The following AFF1 variants were observed in gnomAD, a reference collection of about 807,000 sequenced individuals.
AFF1 encodes the protein AF4/FMR2 family member 1.
AFF1 carries 48 observed loss-of-function variants against 121.7 expected under a neutral mutation model. The ratio of observed to expected loss-of-function variants is 0.39; its 90% CI spans 0.31 to 0.50. The LOEUF is 0.50. Ranked by LOEUF, AFF1 falls within the 20% of genes least tolerant of loss-of-function variation. The pLI is 0.76. For synonymous variants in AFF1, 613 were observed against 563.0 expected (o/e 1.09, Z -1.26); for missense variants, 1,523 against 1,511.7 (o/e 1.01, Z -0.12).
At chr4:87,037,232 T>C (rs1417405295) in intron 2 of AFF1, among the ~76,000 whole-genome samples, 1 of 152,164 alleles carries the variant, frequency 6.6e-6, no homozygotes, top group Non-Finnish European at 1.5e-5. Context: ...TGAAAAGAAT[T>C]TAAAAACAAC....
chr4:87,075,841 T>A (rs913789685), intron 4 of AFF1, among the ~76,000 whole-genome samples: 49 of 152,248 alleles, frequency 3.2e-4, no homozygotes, highest in Non-Finnish European at 5.9e-5. Context: ...GGAAAGAGAT[T>A]GGAAATTCAC....
At chr4:86,969,914 T>C (rs1343243247) in intron 2 of AFF1, among the ~76,000 whole-genome samples, 1 of 115,038 alleles carries the variant, frequency 8.7e-6, no homozygotes, top group Admixed American at 9.2e-5. Flanking sequence ...ATAGTTTATA[T>C]GTGCATCAAG....
At chr4:86,944,041 G>A (rs1476109609) in intron 1 of AFF1, among the ~76,000 whole-genome samples, 6 of 151,544 alleles carry the variant, frequency 4.0e-5, no homozygotes, top group Non-Finnish European at 7.4e-5. Context: ...TTACTCTGAA[G>A]GCTGAGGTGG....
In AFF1 at chr4:87,108,147, GT is replaced by G; in HGVS notation, c.1377-10del. 1 of 1,609,864 alleles carries G rather than the reference GT, an allele frequency of 6.2e-7. No individual in the cohort carries two copies. Among genetic ancestry groups the G allele is most frequent in the Non-Finnish European group, 8.5e-7 (1 of 1,178,414 alleles). Reference sequence around the variant, plus strand: ...TCGTGCCTTCTAATTTTATCTTTTGGTTGCTTTGCAGTGCTCCACAGTCCCT... The same window carrying G: ...TCGTGCCTTCTAATTTTATCTTTTGGTGCTTTGCAGTGCTCCACAGTCCCT... On this transcript the variant is annotated splice_polypyrimidine_tract_variant and intron_variant, in intron 10 of 20. Transcript: ENST00000395146.
chr4:87,002,930 G>A (rs1200774995), intron 2 of AFF1, among the ~76,000 whole-genome samples: 1 of 152,154 alleles, frequency 6.6e-6, no homozygotes, highest in African/African-American at 2.4e-5. Flanking sequence ...GCCCCTCAAA[G>A]GTTAAGAATG....
chr4:87,050,234 G>GAGC (rs10640624), intron 4 of AFF1, among the ~76,000 whole-genome samples: 1 of 151,480 alleles, frequency 6.6e-6, no homozygotes, highest in Non-Finnish European at 1.5e-5. Flanking sequence ...CTGGGAGAAG[G>GAGC]GGGTGTGGGA....
intron 2 of AFF1, among the ~76,000 whole-genome samples, chr4:86,962,068 A>G (rs979817508): frequency 2.0e-5 from 3 of 152,184 alleles, no homozygotes; most frequent in Admixed American, 1.3e-4. Flanking sequence ...ATAGCTGGTA[A>G]AGGACAAAGC....
At chr4:87,086,008 G>A (rs929400653) in intron 5 of AFF1, among the ~76,000 whole-genome samples, 7 of 152,046 alleles carry the variant, frequency 4.6e-5, no homozygotes, top group Non-Finnish European at 8.8e-5. Flanking sequence ...CAAAGTGTTG[G>A]GATTACAGGC....
At chr4:87,075,179 A>G (rs1316044012) in intron 4 of AFF1, among the ~76,000 whole-genome samples, 1 of 152,166 alleles carries the variant, frequency 6.6e-6, no homozygotes, top group Non-Finnish European at 1.5e-5. Flanking sequence ...ATTTTAAAAT[A>G]CTTCTTCCCA....
intron 16 of AFF1, among the ~76,000 whole-genome samples, chr4:87,128,154 A>G (rs1347958676): frequency 1.3e-5 from 2 of 152,254 alleles, no homozygotes; most frequent in African/African-American, 2.4e-5. Context: ...TTCACAAGGC[A>G]GGAAGCCTGT....
intron 1 of AFF1, among the ~76,000 whole-genome samples, chr4:86,938,469 A>G (rs1439266396): frequency 2.0e-5 from 3 of 149,172 alleles, no homozygotes; most frequent in East Asian, 2.0e-4. Context: ...AAAAAAAAAG[A>G]AAAGGAAAAA....
chr4:86,965,772 A>T (rs1285660787), intron 2 of AFF1, among the ~76,000 whole-genome samples: 1 of 151,984 alleles, frequency 6.6e-6, no homozygotes, highest in African/African-American at 2.4e-5. Context: ...TTTCTCCCCC[A>T]TCAGTGCTTG....
chr4:87,019,916 A>T (rs1246120131), intron 2 of AFF1, among the ~76,000 whole-genome samples: 2 of 150,770 alleles, frequency 1.3e-5, no homozygotes, highest in Admixed American at 1.3e-4. Context: ...CTGAGCCCTC[A>T]ACCTGTGGGA....
In AFF1 at chr4:87,047,329, C is replaced by A. The variant is rs775143095; in HGVS notation, c.794C>A (p.Thr265Asn). The A allele has an allele frequency of 2.5e-6, 4 of 1,614,146 alleles. No homozygotes were observed. The highest frequency in any genetic ancestry group is 3.4e-6 in the Non-Finnish European group (4 of 1,180,032). The change falls in exon 4 of 21, where the codon ACC becomes AAC. Residue 265 changes from threonine (T) to asparagine (N), a missense_variant. By Grantham distance (65) the Thr-to-Asn change is moderately conservative (BLOSUM62 0). Transcript: ENST00000395146. ...DLAVKVHDKETPQDSLVAPAQ... is the reference protein window; with the variant it reads ...DLAVKVHDKENPQDSLVAPAQ... ...GCAGTGAAAGTCCATGATAAAGAGA[C>A]CCCTCAAGACAGTTTGGTGGCCCCT... is the stretch of plus-strand genomic sequence containing the variant.
chr4:87,096,634 A>T (rs542345390), intron 8 of AFF1, among the ~76,000 whole-genome samples: 9 of 151,964 alleles, frequency 5.9e-5, no homozygotes, highest in African/African-American at 2.2e-4. Context: ...CTGCAGCCTC[A>T]AACTTCTGGG....
intron 4 of AFF1, among the ~76,000 whole-genome samples, chr4:87,072,381 A>AC (rs1229601290): frequency 6.7e-6 from 1 of 149,798 alleles, no homozygotes; most frequent in African/African-American, 2.5e-5. Context: ...AAAAAAAAAA[A>AC]ATTTAAATTC....
At chr4:86,949,367 G>A (rs1370552224) in intron 2 of AFF1, among the ~76,000 whole-genome samples, 6 of 149,818 alleles carry the variant, frequency 4.0e-5, no homozygotes, top group South Asian at 2.1e-4. Context: ...CCCCTGCCTC[G>A]GCCTCCCAAA....
At chr4:87,020,910 A>G (rs1209518720) in intron 2 of AFF1, 5 of 860,824 alleles carry the variant, frequency 5.8e-6, no homozygotes, top group Non-Finnish European at 7.0e-6. Context: ...GATATTTCTT[A>G]AAAAGATGTG....
intron 1 of AFF1, among the ~76,000 whole-genome samples, chr4:86,942,072 A>G (rs984517256): frequency 6.6e-6 from 1 of 152,110 alleles, no homozygotes; most frequent in African/African-American, 2.4e-5. Context: ...TGCTACATAA[A>G]TGTTTGCTAT....
Sources: allele counts gnomAD v4.1 joint callset (sites outside exome capture counted in the v4.1 genomes callset), GRCh38; gene constraint gnomAD v4.1.1; transcripts MANE v1.5; gene names NCBI Gene and HGNC (gene_info 2026-07-23, HGNC 2026-07-21).